EBF2: variants seen among roughly 807,000 people sequenced by gnomAD.
EBF2 encodes EBF transcription factor 2, also known as transcription factor COE2.
In EBF2, 21 loss-of-function variants were observed where a neutral mutation model predicts 72.8. The ratio of observed to expected loss-of-function variants is 0.29; its 90% CI spans 0.20 to 0.42. The LOEUF (loss-of-function observed/expected upper bound fraction) is 0.42, where lower values mean the gene tolerates loss of function less well. Ranked by LOEUF, EBF2 falls within the 10% of genes least tolerant of loss-of-function variation. The pLI, the probability that EBF2 is intolerant of heterozygous loss-of-function variation, is 1.00. For synonymous variants in EBF2, 299 were observed against 274.2 expected (o/e 1.09, Z -0.89); for missense variants, 637 against 731.2 (o/e 0.87, Z 1.49).
intron 6 of EBF2, among the ~76,000 whole-genome samples, chr8:26,028,024 A>G (rs1277437310): frequency 6.6e-6 from 1 of 152,170 alleles, no homozygotes; most frequent in African/African-American, 2.4e-5. Context: ...AGATGAAAAG[A>G]GTTATATAAA....
At chr8:26,040,233 C>T (rs1169981187) in intron 4 of EBF2, 132 bp from the exon 5 acceptor site, 4 of 965,062 alleles carry the variant, frequency 4.1e-6, no homozygotes, top group Non-Finnish European at 4.8e-6. Context: ...TTCCCGCCCG[C>T]AGCACATTCT....
At chr8:26,017,615 G>A (rs568350640) in intron 6 of EBF2, among the ~76,000 whole-genome samples, 29 of 152,082 alleles carry the variant, frequency 1.9e-4, no homozygotes, top group African/African-American at 5.8e-4. Context: ...TGCTTTTACC[G>A]GCCACAGCAT....
intron 10 of EBF2, 25 bp downstream of exon 10, chr8:25,886,730 C>T (rs1802695033): frequency 6.3e-7 from 1 of 1,599,396 alleles, no homozygotes; most frequent in Admixed American, 1.7e-5. Flanking sequence ...AAGCCAGCCT[C>T]TCTTGGAATC....
chr8:25,942,759 G>C (rs759966865), intron 6 of EBF2, among the ~76,000 whole-genome samples: 3 of 152,174 alleles, frequency 2.0e-5, no homozygotes, highest in Admixed American at 6.5e-5. Flanking sequence ...TGTGAAAACC[G>C]GAACAGCCTT....
At chr8:26,017,606 G>A (rs1175293718) in intron 6 of EBF2, among the ~76,000 whole-genome samples, 2 of 152,086 alleles carry the variant, frequency 1.3e-5, no homozygotes, top group Admixed American at 1.3e-4. Flanking sequence ...TAGTCCGCTT[G>A]CTTTTACCGG....
At chr8:25,998,597 G>A (rs1804674057) in intron 6 of EBF2, among the ~76,000 whole-genome samples, 1 of 152,134 alleles carries the variant, frequency 6.6e-6, no homozygotes, top group South Asian at 2.1e-4. Flanking sequence ...TTTATTTGTA[G>A]TACTTTCTGG....
At chr8:25,881,758 C>T (rs1306008548) in intron 10 of EBF2, among the ~76,000 whole-genome samples, 1 of 152,216 alleles carries the variant, frequency 6.6e-6, no homozygotes, top group Non-Finnish European at 1.5e-5. Flanking sequence ...CCTATAAAAA[C>T]CCCGAGACCC....
chr8:25,933,450 T>C (rs1027375905), intron 6 of EBF2, among the ~76,000 whole-genome samples: 5 of 152,152 alleles, frequency 3.3e-5, no homozygotes, highest in Non-Finnish European at 5.9e-5. Context: ...CCTAAAGACT[T>C]CCATTTTGGG....
At chr8:26,030,012 A>G (rs1275812102) in intron 6 of EBF2, among the ~76,000 whole-genome samples, 1 of 152,222 alleles carries the variant, frequency 6.6e-6, no homozygotes, top group East Asian at 1.9e-4. Context: ...CCTGGGCCCA[A>G]GTGATCCTCC....
At position 26,036,589 on chromosome 8, in the gene EBF2, G is replaced by A. The variant is rs971789545; in HGVS notation, c.483-3436C>T. Among the ~76,000 whole-genome samples the A allele has an allele frequency of 1.4e-4, 21 of 151,570 alleles. 1 individual carries two copies. The highest frequency in any genetic ancestry group is 6.6e-4 in the Admixed American group (10 of 15,198). On this transcript the variant is annotated intron_variant, in intron 5 of 15. Transcript: ENST00000520164. Reference sequence around the variant, plus strand: ...AAGTTCTCACTAATATGTTCTAGTCGTTCTTTGTTTTTAACGGCATTCAGT... The same window carrying A: ...AAGTTCTCACTAATATGTTCTAGTCATTCTTTGTTTTTAACGGCATTCAGT...
chr8:25,983,754 G>A (rs1399203713), intron 6 of EBF2, among the ~76,000 whole-genome samples: 8 of 152,348 alleles, frequency 5.3e-5, no homozygotes, highest in African/African-American at 1.7e-4. Context: ...AAAACTCGCT[G>A]GGTGTGCCCA....
At chr8:25,939,338 C>T (rs1803631180) in intron 6 of EBF2, among the ~76,000 whole-genome samples, 1 of 152,112 alleles carries the variant, frequency 6.6e-6, no homozygotes, top group African/African-American at 2.4e-5. Context: ...CATGTGACAG[C>T]TTTTCCTAGA....
intron 14 of EBF2, among the ~76,000 whole-genome samples, chr8:25,854,829 A>G (rs961670532): frequency 1.3e-5 from 2 of 152,196 alleles, no homozygotes; most frequent in Admixed American, 6.5e-5. Flanking sequence ...TTTTGAAACT[A>G]TAAAACAATT....
intron 7 of EBF2, among the ~76,000 whole-genome samples, chr8:25,901,320 G>T (rs1802948829): frequency 6.6e-6 from 1 of 151,866 alleles, no homozygotes; most frequent in African/African-American, 2.4e-5. Context: ...TACTTAAGGG[G>T]CTGAGGTGGG....
chr8:26,042,017 G>A, intron 2 of EBF2, 78 bp downstream of exon 2: 1 of 1,549,458 alleles, frequency 6.5e-7, no homozygotes, highest in Middle Eastern at 1.7e-4. Context: ...AGTGTCGCGA[G>A]AGTGACAGAT....
intron 11 of EBF2, 98 bp downstream of exon 11, chr8:25,862,611 C>T (rs1802230457): frequency 2.3e-6 from 2 of 852,506 alleles, no homozygotes; most frequent in Non-Finnish European, 3.5e-6. Context: ...AATTTCAAGG[C>T]CTAATTAATT....
chr8:25,864,660 T>C (rs1802272672), intron 10 of EBF2, among the ~76,000 whole-genome samples: 1 of 152,180 alleles, frequency 6.6e-6, no homozygotes, highest in Admixed American at 6.5e-5. Context: ...TATTGAATGG[T>C]TTCTATACAT....
chr8:26,023,745 G>A (rs1805240907), intron 6 of EBF2, among the ~76,000 whole-genome samples: 1 of 152,148 alleles, frequency 6.6e-6, no homozygotes, highest in Admixed American at 6.6e-5. Context: ...ATGGGGACAA[G>A]CGGCAACATC....
intron 15 of EBF2, among the ~76,000 whole-genome samples, chr8:25,844,857 A>G (rs1173874024): frequency 6.6e-6 from 1 of 152,082 alleles, no homozygotes. Flanking sequence ...GTACAAGGAA[A>G]CCTTGATGAA....
Sources: gnomAD v4.1 joint callset for allele counts (sites outside exome capture counted in the v4.1 genomes callset) on GRCh38, gnomAD v4.1.1 for gene constraint, MANE v1.5 for transcripts, NCBI Gene and HGNC (gene_info 2026-07-23, HGNC 2026-07-21) for gene names.